Variants in GALNTL6 observed in about 807,000 individuals in gnomAD.
The protein encoded by GALNTL6 is polypeptide N-acetylgalactosaminyltransferase-like 6.
GALNTL6 carries 46 observed loss-of-function variants against 73.7 expected under a neutral mutation model. The observed-to-expected ratio is 0.62, with a 90% CI of 0.49 to 0.80. GALNTL6 has a LOEUF of 0.80. Ranked by LOEUF, GALNTL6 falls within the 30% of genes least tolerant of loss-of-function variation. The probability of loss-of-function intolerance (pLI) is 0.00; values close to 1 mark genes in which losing one functional copy is unlikely to be tolerated. For synonymous variants in GALNTL6, 259 were observed against 263.7 expected, an observed-to-expected ratio of 0.98 and a Z score of 0.17; for missense variants, 604 against 755.0, an observed-to-expected ratio of 0.80 and a Z score of 2.34.
intron 10 of GALNTL6, among the ~76,000 whole-genome samples, chr4:172,998,856 A>C (rs4519775): frequency 0.97 from 147,770 of 152,214 alleles, 71,924 homozygotes; most frequent in Middle Eastern, 1. Flanking sequence ...TCTCAAATTC[A>C]TTTCTATTCT....
intron 2 of GALNTL6, among the ~76,000 whole-genome samples, chr4:172,214,547 C>G (rs1736433381): frequency 6.8e-6 from 1 of 146,974 alleles, no homozygotes; most frequent in Non-Finnish European, 1.5e-5. Context: ...ACAGAGTCTC[C>G]TCTGTCACCC....
chr4:171,933,797 T>A (rs1318105159), intron 2 of GALNTL6, among the ~76,000 whole-genome samples: 1 of 152,144 alleles, frequency 6.6e-6, no homozygotes, highest in Non-Finnish European at 1.5e-5. Context: ...TACTATGTCA[T>A]CTCTCTATAA....
intron 7 of GALNTL6, among the ~76,000 whole-genome samples, chr4:172,855,931 C>G (rs865829040): frequency 6.6e-6 from 1 of 152,124 alleles, no homozygotes; most frequent in Non-Finnish European, 1.5e-5. Context: ...CAACTTGTTT[C>G]GAGGCTGGGT....
chr4:171,939,929 A>T (rs935575056), intron 2 of GALNTL6, among the ~76,000 whole-genome samples: 54 of 152,306 alleles, frequency 3.5e-4, no homozygotes, highest in Admixed American at 1.3e-3. Context: ...GAATCATATA[A>T]TAAAGTCCTA....
intron 2 of GALNTL6, among the ~76,000 whole-genome samples, chr4:171,824,522 A>C (rs1734773915): frequency 6.6e-6 from 1 of 152,152 alleles, no homozygotes. Context: ...ACTGGATTGA[A>C]CATGATAAGC....
intron 5 of GALNTL6, among the ~76,000 whole-genome samples, chr4:172,607,911 G>A (rs1202966580): frequency 3.3e-5 from 5 of 151,954 alleles, no homozygotes; most frequent in Admixed American, 6.6e-5. Flanking sequence ...AAAAGTGAGT[G>A]TCTATGTCTT....
At chr4:172,780,009 G>A (rs1209849223) in intron 5 of GALNTL6, among the ~76,000 whole-genome samples, 1 of 152,108 alleles carries the variant, frequency 6.6e-6, no homozygotes, top group Non-Finnish European at 1.5e-5. Flanking sequence ...TACATAATGA[G>A]TGAAACATTG....
chr4:172,599,476 C>T (rs556981567), intron 5 of GALNTL6, among the ~76,000 whole-genome samples: 6 of 152,170 alleles, frequency 3.9e-5, no homozygotes, highest in Admixed American at 2.6e-4. Flanking sequence ...ACCCTACTTG[C>T]CAGTTGTTAT....
intron 2 of GALNTL6, among the ~76,000 whole-genome samples, chr4:171,844,563 G>A (rs1422653520): frequency 6.6e-6 from 1 of 152,150 alleles, no homozygotes; most frequent in African/African-American, 2.4e-5. Context: ...TTTAGATGAA[G>A]TAGGCTAATA....
At chr4:172,149,076 T>C (rs1219221796) in intron 2 of GALNTL6, among the ~76,000 whole-genome samples, 1 of 152,232 alleles carries the variant, frequency 6.6e-6, no homozygotes, top group Non-Finnish European at 1.5e-5. Flanking sequence ...ATTTGTTAGA[T>C]AGCAGAAAGC....
At chr4:172,585,905 A>G (rs1007280174) in intron 5 of GALNTL6, among the ~76,000 whole-genome samples, 2 of 152,238 alleles carry the variant, frequency 1.3e-5, no homozygotes, top group Admixed American at 1.3e-4. Context: ...AACATATGAA[A>G]AAAAAGCTCA....
chr4:172,414,788 T>G (rs958185770), intron 5 of GALNTL6, among the ~76,000 whole-genome samples: 1 of 152,206 alleles, frequency 6.6e-6, no homozygotes, highest in Non-Finnish European at 1.5e-5. Flanking sequence ...ACTCATCATA[T>G]GGTTTTATCC....
chr4:172,390,521 G>A (rs537506464), intron 5 of GALNTL6, among the ~76,000 whole-genome samples: 1 of 152,320 alleles, frequency 6.6e-6, no homozygotes, highest in Non-Finnish European at 1.5e-5. Context: ...TGCCCAGGAT[G>A]TGAATCATCC....
At chr4:173,016,453 C>T (rs1752786564) in intron 11 of GALNTL6, among the ~76,000 whole-genome samples, 1 of 152,236 alleles carries the variant, frequency 6.6e-6, no homozygotes, top group Non-Finnish European at 1.5e-5. Flanking sequence ...CATGGAAGCC[C>T]ACTTCTTGCA....
At chr4:171,930,192 C>T (rs1341779161) in intron 2 of GALNTL6, among the ~76,000 whole-genome samples, 1 of 152,244 alleles carries the variant, frequency 6.6e-6, no homozygotes, top group Non-Finnish European at 1.5e-5. Context: ...CCTGTGGGTC[C>T]TGCACACCAA....
rs1328346658 is a variant in GALNTL6 at position 172,155,289 on chromosome 4, C to T, written c.139-74367C>T. On this transcript the variant is annotated intron_variant, in intron 2 of 12. Coordinates refer to ENST00000506823, the MANE Select transcript of GALNTL6 (RefSeq NM_001034845.3). ...CTGGCATTACAGGCGTGAGCCACCG[C>T]GCCCGGCCATCGTACCCTTTTAAAA... Among the ~76,000 whole-genome samples the T allele has an allele frequency of 3.3e-5, 5 of 152,298 alleles. No homozygotes were observed. The South Asian group carries it at 8.3e-4, about 25-fold the overall frequency.
intron 2 of GALNTL6, among the ~76,000 whole-genome samples, chr4:171,944,813 TA>T (rs528131541): frequency 0.029 from 4,332 of 149,880 alleles, 84 homozygotes; most frequent in African/African-American, 0.052. Context: ...CAAAGATACT[TA>T]AAAAAAAAAT....
At chr4:172,300,333 G>A (rs1247366035) in intron 3 of GALNTL6, among the ~76,000 whole-genome samples, 1 of 152,048 alleles carries the variant, frequency 6.6e-6, no homozygotes, top group Non-Finnish European at 1.5e-5. Context: ...AAATTTACCA[G>A]TCTGTGTCTT....
At chr4:172,816,452 C>A (rs1741609221) in intron 7 of GALNTL6, among the ~76,000 whole-genome samples, 1 of 152,044 alleles carries the variant, frequency 6.6e-6, no homozygotes, top group African/African-American at 2.4e-5. Context: ...GGATTGAATT[C>A]AATTGAAAAT....
Sources: allele counts gnomAD v4.1 joint callset (sites outside exome capture counted in the v4.1 genomes callset), GRCh38; gene constraint gnomAD v4.1.1; transcripts MANE v1.5; gene names NCBI Gene and HGNC (gene_info 2026-07-23, HGNC 2026-07-21).